The following TRAPPC9 variants were observed in gnomAD, a reference collection of about 807,000 sequenced individuals.
The protein encoded by TRAPPC9 is trafficking protein particle complex subunit 9, also known as IKK2 binding protein.
In TRAPPC9, 83 loss-of-function variants were observed where a neutral mutation model predicts 124.0. The observed-to-expected ratio is 0.67, with a 90% CI of 0.56 to 0.80. The LOEUF is 0.80. Among genes scored for constraint, TRAPPC9 ranks in the 30% least tolerant of loss-of-function variants. The pLI is 0.00. For synonymous variants in TRAPPC9, 638 were observed against 617.5 expected (o/e 1.03, Z -0.49); for missense variants, 1,302 against 1,508.3 (o/e 0.86, Z 2.27).
At chr8:140,038,777 G>A (rs903637040) in intron 17 of TRAPPC9, among the ~76,000 whole-genome samples, 1 of 152,228 alleles carries the variant, frequency 6.6e-6, no homozygotes, top group African/African-American at 2.4e-5. Flanking sequence ...TATCTGCCAA[G>A]TCTGTCTAAT....
At chr8:140,415,638 T>C (rs568568956) in intron 5 of TRAPPC9, among the ~76,000 whole-genome samples, 2 of 151,884 alleles carry the variant, frequency 1.3e-5, no homozygotes, top group African/African-American at 2.4e-5. Flanking sequence ...ACAAAAGCAG[T>C]GCATAGAGGG....
At chr8:140,070,954 G>C (rs527643743) in intron 17 of TRAPPC9, among the ~76,000 whole-genome samples, 2 of 152,202 alleles carry the variant, frequency 1.3e-5, no homozygotes, top group Non-Finnish European at 2.9e-5. Flanking sequence ...GAGGGACGGG[G>C]GGCCCAGGCC....
chr8:139,913,363 AG>A (rs1178942302), intron 19 of TRAPPC9, among the ~76,000 whole-genome samples: 1 of 152,240 alleles, frequency 6.6e-6, no homozygotes, highest in Non-Finnish European at 1.5e-5. Context: ...TTCATGTTAC[AG>A]ATGACAGGCT....
intron 17 of TRAPPC9, chr8:140,095,587 C>T (rs139498140): frequency 6.6e-6 from 1 of 152,314 alleles, no homozygotes; most frequent in East Asian, 1.9e-4. Context: ...CCCTGCTGCC[C>T]TTTATGTGCC....
In TRAPPC9 at chr8:140,439,150, T is replaced by TCC; in HGVS notation, c.630_631dup (p.Asp211GlyfsTer27). On this transcript the variant is annotated frameshift_variant, in exon 3 of 23. Coordinates refer to ENST00000438773, the MANE Select transcript of TRAPPC9 (RefSeq NM_001160372.4). LOFTEE classifies it high-confidence loss of function. ...CAGCATCCCTGCCTGCAGGCACAGGTCCCCCACGTGCTTCCGCATGCGGCC... is the reference window on the plus strand; with the variant it reads ...CAGCATCCCTGCCTGCAGGCACAGGTCCCCCCCACGTGCTTCCGCATGCGGCC... 1 of 1,614,102 alleles carries TCC rather than the reference T, an allele frequency of 6.2e-7. No individual in the cohort carries two copies. The highest frequency in any genetic ancestry group is 8.5e-7 in the Non-Finnish European group (1 of 1,180,008).
intron 21 of TRAPPC9, among the ~76,000 whole-genome samples, chr8:139,815,730 C>G (rs1824785035): frequency 6.6e-6 from 1 of 152,228 alleles, no homozygotes; most frequent in Admixed American, 6.5e-5. Flanking sequence ...CAGATATTTC[C>G]TGACAGGAGG....
intron 20 of TRAPPC9, among the ~76,000 whole-genome samples, chr8:139,900,981 TAAATAAATAAATAAATAAATA>T (rs1448387949): frequency 2.8e-4 from 31 of 110,692 alleles, no homozygotes; most frequent in African/African-American, 1.4e-3. Context: ...CAAAAATAAA[TAAATAAATAAATAAATAAATA>T]AAATAAATAA....
chr8:140,179,992 G>GTTT (rs2062159657), intron 17 of TRAPPC9, among the ~76,000 whole-genome samples: 2 of 49,118 alleles, frequency 4.1e-5, no homozygotes, highest in Non-Finnish European at 8.5e-5. Context: ...GTTATATCTT[G>GTTT]ATTTTTTTTT....
intron 17 of TRAPPC9, among the ~76,000 whole-genome samples, chr8:140,162,760 C>T (rs966245526): frequency 1.2e-4 from 18 of 152,106 alleles, no homozygotes; most frequent in Admixed American, 1.0e-3. Flanking sequence ...GGCTGAGGCA[C>T]AAGAATTGCT....
intron 2 of TRAPPC9, among the ~76,000 whole-genome samples, chr8:140,439,860 G>T (rs917561050): frequency 8.5e-6 from 1 of 117,106 alleles, no homozygotes; most frequent in African/African-American, 2.7e-5. Flanking sequence ...TAAGATAGAT[G>T]ATTTTTTTTT....
intron 17 of TRAPPC9, among the ~76,000 whole-genome samples, chr8:140,212,540 C>T (rs1436746915): frequency 1.3e-5 from 2 of 152,070 alleles, no homozygotes; most frequent in Admixed American, 1.3e-4. Flanking sequence ...GTCTGTAGTG[C>T]TTTGGGTTGT....
intron 17 of TRAPPC9, among the ~76,000 whole-genome samples, chr8:140,066,219 G>A (rs1842888262): frequency 6.6e-6 from 1 of 152,022 alleles, no homozygotes; most frequent in African/African-American, 2.4e-5. Context: ...CTGAAGATGT[G>A]ACAACCGACT....
chr8:139,877,033 G>A (rs1829363017), intron 21 of TRAPPC9, among the ~76,000 whole-genome samples: 1 of 152,220 alleles, frequency 6.6e-6, no homozygotes, highest in Admixed American at 6.5e-5. Flanking sequence ...TCACATCACA[G>A]CTCAGAACTG....
chr8:140,169,228 C>G (rs1183260133), intron 17 of TRAPPC9, among the ~76,000 whole-genome samples: 1 of 151,854 alleles, frequency 6.6e-6, no homozygotes, highest in Non-Finnish European at 1.5e-5. Context: ...AAATCAAAAC[C>G]ACAGTGAAGC....
intron 17 of TRAPPC9, among the ~76,000 whole-genome samples, chr8:140,165,857 C>T (rs2061828419): frequency 6.6e-6 from 1 of 152,116 alleles, no homozygotes; most frequent in Non-Finnish European, 1.5e-5. Flanking sequence ...TCATCCCTCA[C>T]CCCTCACTGT....
In TRAPPC9 at chr8:140,261,727, C is replaced by T. The variant is rs558586085; in HGVS notation, c.2279-8798G>A. On this transcript the variant is annotated intron_variant, in intron 15 of 22. Transcript: ENST00000438773. ...TTGGGATGGCTTTTCTTTTCTTAAA[C>T]GTGCTTCAACTGAGAGACGAACCCT... Among the ~76,000 whole-genome samples the T allele has an allele frequency of 3.0e-4, 46 of 152,248 alleles. 1 individual carries two copies. The South Asian group carries it at 8.7e-3, about 29-fold the overall frequency.
At chr8:140,376,439 C>T (rs1418662893) in intron 7 of TRAPPC9, among the ~76,000 whole-genome samples, 1 of 151,412 alleles carries the variant, frequency 6.6e-6, no homozygotes, top group East Asian at 1.9e-4. Flanking sequence ...ACCTGTAGTC[C>T]CAGCTACTTG....
chr8:140,450,564 C>A (rs1176154518), intron 2 of TRAPPC9, among the ~76,000 whole-genome samples: 3 of 152,182 alleles, frequency 2.0e-5, no homozygotes, highest in Non-Finnish European at 4.4e-5. Flanking sequence ...TACAAGACAA[C>A]TCTAAAGGAC....
At chr8:139,793,390 G>A (rs1586853939) in intron 21 of TRAPPC9, among the ~76,000 whole-genome samples, 1 of 152,236 alleles carries the variant, frequency 6.6e-6, no homozygotes, top group African/African-American at 2.4e-5. Flanking sequence ...ACTCATCAGG[G>A]GACTCCTGTT....
Sources: allele counts gnomAD v4.1 joint callset (sites outside exome capture counted in the v4.1 genomes callset), GRCh38; gene constraint gnomAD v4.1.1; transcripts MANE v1.5; gene names NCBI Gene and HGNC (gene_info 2026-07-23, HGNC 2026-07-21).